Variants in PCDH11Y observed in about 807,000 individuals in gnomAD.
PCDH11Y encodes the protein protocadherin 11 Y-linked.
For missense variants in PCDH11Y, 12 were observed against 224.8 expected (o/e 0.05, Z 6.05); for synonymous variants, 9 against 83.6 (o/e 0.11, Z 4.87).
At chrY:5,658,244 C>T (rs2053538299) in intron 4 of PCDH11Y, among the ~76,000 whole-genome samples, 1 of 33,674 alleles carries the variant, frequency 3.0e-5, no homozygotes, top group Admixed American at 2.7e-4. Context: ...TTTTAGGATC[C>T]TTTCTTTATC....
In PCDH11Y at chrY:5,293,895, G is replaced by C. The variant is rs2053070438; in HGVS notation, c.3129+193188G>C. Reference sequence around the variant, plus strand: ...ACTATACATACTCCTGCTCTTTTTTGGTTTATATTGGCATGGAATATCTTT... The same window carrying C: ...ACTATACATACTCCTGCTCTTTTTTCGTTTATATTGGCATGGAATATCTTT... On this transcript the variant is annotated intron_variant, in intron 2 of 4. Coordinates refer to the PCDH11Y transcript ENST00000400457. Among the ~76,000 whole-genome samples, 7 of 30,567 alleles carry C rather than the reference G, an allele frequency of 2.3e-4. No homozygotes were observed. The East Asian group carries it at 3.4e-3, about 15-fold the overall frequency. 82.0% of individuals were successfully genotyped at this position (30,567 alleles called of 37,273 possible).
chrY:5,655,685 T>C, intron 4 of PCDH11Y, among the ~76,000 whole-genome samples: 2 of 31,736 alleles, frequency 6.3e-5, no homozygotes, highest in African/African-American at 1.2e-4. Context: ...TTTTCTTTCT[T>C]TTTAGTATAT....
intron 2 of PCDH11Y, among the ~76,000 whole-genome samples, chrY:5,284,320 G>C: frequency 9.3e-5 from 3 of 32,195 alleles, no homozygotes; most frequent in Admixed American, 8.8e-4. Context: ...GGGGAACAAA[G>C]CCGGGCTTTT....
At chrY:5,527,103 G>A in intron 3 of PCDH11Y, among the ~76,000 whole-genome samples, 1 of 32,545 alleles carries the variant, frequency 3.1e-5, no homozygotes, top group East Asian at 8.2e-4. Context: ...TGAAGTAGAG[G>A]ACACAAAAAC....
chrY:5,336,339 C>T (rs1602906611), intron 2 of PCDH11Y, among the ~76,000 whole-genome samples: 1 of 31,556 alleles, frequency 3.2e-5, no homozygotes. Flanking sequence ...TGGCCGATCT[C>T]GGCTCACTGC....
At chrY:5,400,740 A>AT (rs2053232901) in intron 2 of PCDH11Y, among the ~76,000 whole-genome samples, 1 of 30,534 alleles carries the variant, frequency 3.3e-5, no homozygotes, top group East Asian at 8.3e-4. Context: ...AAGCAAGCAG[A>AT]TATAGTACAA....
intron 2 of PCDH11Y, among the ~76,000 whole-genome samples, chrY:5,151,698 AG>A: frequency 3.3e-5 from 1 of 30,684 alleles, no homozygotes; most frequent in South Asian, 7.3e-4. Context: ...TATATAAAAA[AG>A]ACCAAGCTAC....
intron 2 of PCDH11Y, among the ~76,000 whole-genome samples, chrY:5,313,173 A>G (rs2124664815): frequency 3.1e-5 from 1 of 32,265 alleles, no homozygotes; most frequent in East Asian, 8.3e-4. Flanking sequence ...GCTTATTACA[A>G]TTCATCAAAA....
chrY:5,244,794 G>C, intron 2 of PCDH11Y, among the ~76,000 whole-genome samples: 1 of 34,084 alleles, frequency 2.9e-5, no homozygotes, highest in Non-Finnish European at 7.3e-5. Flanking sequence ...TAAGTCATTT[G>C]AGCTCCTTGT....
intron 3 of PCDH11Y, among the ~76,000 whole-genome samples, chrY:5,045,092 G>A (rs2124625302): frequency 3.0e-5 from 1 of 33,049 alleles, no homozygotes; most frequent in East Asian, 8.0e-4. Context: ...CTTTTAATTG[G>A]AGCATTTAGT....
intron 4 of PCDH11Y, among the ~76,000 whole-genome samples, chrY:5,620,193 A>T: frequency 3.1e-5 from 1 of 32,462 alleles, no homozygotes; most frequent in East Asian, 8.1e-4. Flanking sequence ...TAATCAAATG[A>T]ACACAATCAG....
chrY:5,021,104 C>T (rs1569474194), intron 1 of PCDH11Y, among the ~76,000 whole-genome samples: 1 of 33,611 alleles, frequency 3.0e-5, no homozygotes, highest in East Asian at 7.9e-4. Flanking sequence ...CTTTAGTACA[C>T]CCTACAGCAT....
intron 2 of PCDH11Y, among the ~76,000 whole-genome samples, chrY:5,301,165 A>C: frequency 2.9e-5 from 1 of 33,952 alleles, no homozygotes; most frequent in South Asian, 6.5e-4. Context: ...ATTACACCAA[A>C]AGGGACAAAT....
At chrY:5,180,310 A>T (rs2052898628) in intron 2 of PCDH11Y, among the ~76,000 whole-genome samples, 1 of 33,249 alleles carries the variant, frequency 3.0e-5, no homozygotes, top group Non-Finnish European at 7.4e-5. Flanking sequence ...TTATTATTTC[A>T]GTTCTTTTCA....
intron 2 of PCDH11Y, among the ~76,000 whole-genome samples, chrY:5,371,235 G>C: frequency 3.1e-5 from 1 of 32,469 alleles, no homozygotes; most frequent in Non-Finnish European, 7.5e-5. Context: ...GCTTGCTTTT[G>C]GGGGGTGGGG....
chrY:5,383,572 C>G, intron 2 of PCDH11Y, among the ~76,000 whole-genome samples: 1 of 33,369 alleles, frequency 3.0e-5, no homozygotes, highest in Non-Finnish European at 7.4e-5. Context: ...TATTTATTAA[C>G]TTTGATTTTA....
At chrY:5,341,422 A>G (rs2053144841) in intron 2 of PCDH11Y, among the ~76,000 whole-genome samples, 2 of 33,096 alleles carry the variant, frequency 6.0e-5, no homozygotes, top group Non-Finnish European at 1.5e-4. Context: ...AATTTATTTT[A>G]TAATTAAAAA....
At chrY:5,321,842 T>C in intron 2 of PCDH11Y, among the ~76,000 whole-genome samples, 1 of 30,178 alleles carries the variant, frequency 3.3e-5, no homozygotes, top group Non-Finnish European at 7.9e-5. Flanking sequence ...CGTGCACTTG[T>C]GGTCCTAGGT....
At chrY:5,383,621 A>AAT in intron 2 of PCDH11Y, among the ~76,000 whole-genome samples, 1 of 33,170 alleles carries the variant, frequency 3.0e-5, no homozygotes, top group Non-Finnish European at 7.4e-5. Flanking sequence ...CTTTTTTCAG[A>AAT]ATATATATAT....
Sources: allele counts gnomAD v4.1 joint callset (sites outside exome capture counted in the v4.1 genomes callset), GRCh38; gene constraint gnomAD v4.1.1; transcripts MANE v1.5; gene names NCBI Gene and HGNC (gene_info 2026-07-23, HGNC 2026-07-21).